Variants in GDAP1 observed in about 807,000 individuals in gnomAD.
The protein encoded by GDAP1 is ganglioside induced differentiation associated protein 1, also known as ganglioside-induced differentiation-associated protein 1.
Under a neutral mutation model 40.1 loss-of-function variants are expected in GDAP1, and 34 were observed. The ratio of observed to expected loss-of-function variants is 0.85; its 90% CI spans 0.64 to 1.13. The LOEUF (loss-of-function observed/expected upper bound fraction) is 1.13, where lower values mean the gene tolerates loss of function less well. GDAP1 is among the 50% of genes most tolerant of loss of function. The pLI is 0.00. For synonymous variants in GDAP1, 170 were observed against 157.4 expected (o/e 1.08, Z -0.60); for missense variants, 374 against 433.7 (o/e 0.86, Z 1.22).
chr8:74,362,546 G>T (rs907230635), intron 4 of GDAP1, among the ~76,000 whole-genome samples: 13 of 152,202 alleles, frequency 8.5e-5, no homozygotes, highest in African/African-American at 3.1e-4. Flanking sequence ...CTCTCCACTC[G>T]CCGTTTAACT....
intron 2 of GDAP1, among the ~76,000 whole-genome samples, chr8:74,487,326 A>T (rs1226142718): frequency 6.6e-6 from 1 of 152,140 alleles, no homozygotes; most frequent in Non-Finnish European, 1.5e-5. Context: ...AAACTAAGAT[A>T]TATTATTATT....
At chr8:74,382,654 A>G (rs575933774) in intron 2 of GDAP1, among the ~76,000 whole-genome samples, 2 of 152,202 alleles carry the variant, frequency 1.3e-5, no homozygotes, top group African/African-American at 2.4e-5. Context: ...TGAATACATG[A>G]CTTAGATCTT....
rs1806304783 is a variant in GDAP1, at chr8:74,453,053, TATGCATA to T, written c.166-35623_166-35617del. Among the ~76,000 whole-genome samples the T allele has an allele frequency of 4.8e-5, 4 of 83,176 alleles. 1 individual carries two copies. In the Admixed American group the frequency reaches 4.9e-4, roughly 10 times the overall value. 54.6% of individuals were successfully genotyped at this position (83,176 alleles called of 152,430 possible). A position where few individuals can be genotyped will look rare whatever the true frequency, so the allele number is the denominator to read the frequency against. On this transcript the variant is annotated intron_variant, in intron 2 of 2. Transcript: ENST00000523640. ...TAAATCACTTAGTCCTGGAACAGAC[TATGCATA>T]AACAGTGGGTTCTGGAGTTCTGGAG...
At chr8:74,369,325 G>A (rs1249822672), downstream of GDAP1, among the ~76,000 whole-genome samples, 3 of 152,146 alleles carry the variant, frequency 2.0e-5, no homozygotes, top group Non-Finnish European at 4.4e-5. Flanking sequence ...GTTGGATTTA[G>A]CAAATACTTT....
chr8:74,445,883 A>C (rs775761601), intron 2 of GDAP1, among the ~76,000 whole-genome samples: 1 of 152,214 alleles, frequency 6.6e-6, no homozygotes, highest in Non-Finnish European at 1.5e-5. Context: ...GTATTGAGCT[A>C]TCAGGTTATT....
chr8:74,472,775 G>A (rs899249491), intron 2 of GDAP1, among the ~76,000 whole-genome samples: 1 of 142,184 alleles, frequency 7.0e-6, no homozygotes, highest in African/African-American at 2.7e-5. Context: ...TGAGAGACAT[G>A]GTGTCGCTCT....
At chr8:74,398,247 G>T (rs1192619869) in intron 2 of GDAP1, among the ~76,000 whole-genome samples, 2 of 152,064 alleles carry the variant, frequency 1.3e-5, no homozygotes. Flanking sequence ...TTTGATCTTT[G>T]TTGGTTTAAA....
chr8:74,448,880 T>A (rs374000409), intron 2 of GDAP1, among the ~76,000 whole-genome samples: 1 of 152,082 alleles, frequency 6.6e-6, no homozygotes, highest in Admixed American at 6.6e-5. Context: ...GGCTTTTGAT[T>A]ATTAGACATT....
intron 2 of GDAP1, among the ~76,000 whole-genome samples, chr8:74,472,972 A>G (rs1347928511): frequency 4.0e-5 from 6 of 151,706 alleles, no homozygotes; most frequent in Non-Finnish European, 5.9e-5. Flanking sequence ...CTGACACTGA[A>G]CTCATGGACT....
intron 2 of GDAP1, among the ~76,000 whole-genome samples, chr8:74,474,773 G>T (rs553574615): frequency 6.6e-6 from 1 of 152,044 alleles, no homozygotes; most frequent in Non-Finnish European, 1.5e-5. Flanking sequence ...TTGTGTTTCC[G>T]CCAGGCTTTT....
At chr8:74,475,870 T>G (rs1050275921) in intron 2 of GDAP1, among the ~76,000 whole-genome samples, 1 of 152,256 alleles carries the variant, frequency 6.6e-6, no homozygotes, top group Non-Finnish European at 1.5e-5. Flanking sequence ...TGTCTAATAC[T>G]GTCAATGGGG....
rs770658701 is a variant in GDAP1, at chr8:74,361,955, AT to A, written c.558del (p.Ile186MetfsTer20). On this transcript the variant is annotated frameshift_variant, in exon 4 of 6. Transcript: ENST00000220822. LOFTEE classifies it high-confidence loss of function. ...EENPDLQEAYIAKQKRLKSKL... is the reference protein window; with the variant it reads ...EENPDLQEAYXAKQKRLKSKL... The stretch of plus-strand genomic sequence containing the variant: ...AAACCCAGATTTACAAGAAGCATAC[AT>A]TGCAAAACAGAAACGACTTAAAGTA... 2 of 1,598,188 alleles carry A rather than the reference AT, an allele frequency of 1.3e-6. No individual in the cohort carries two copies. The highest frequency in any genetic ancestry group is 1.7e-6 in the Non-Finnish European group (2 of 1,166,342).
At position 74,414,325 on chromosome 8, in the gene GDAP1, T is replaced by C. The variant is rs144910013; in HGVS notation, c.165+63004T>C. Among the ~76,000 whole-genome samples the C allele has an allele frequency of 3.9e-4, 59 of 150,176 alleles. 6 individuals are homozygous for C. Among genetic ancestry groups the C allele is most frequent in the African/African-American group, 1.4e-3 (54 of 39,534 alleles). On this transcript the variant is annotated intron_variant, in intron 2 of 2. Coordinates refer to the GDAP1 transcript ENST00000523640. ...CAATCGACAGATGCCTATGTTGGGA[T>C]AATAAAGATGTTGGAGTTATGTGAC...
At chr8:74,384,350 T>C (rs983633027) in intron 2 of GDAP1, among the ~76,000 whole-genome samples, 2 of 152,170 alleles carry the variant, frequency 1.3e-5, no homozygotes, top group Non-Finnish European at 2.9e-5. Flanking sequence ...CCAGAGCCCA[T>C]GCATGAACAA....
rs1209791117 is a variant in GDAP1 at position 74,365,747 on chromosome 8, G to C, written c.*1380G>C. On this transcript the variant is annotated 3_prime_UTR_variant, in exon 6 of 6. Transcript: ENST00000220822. ...TGCTGTAATTCCATTTCATGACCTA[G>C]TTGTATTAGAAAACCTTGATGAACT... The C allele has an allele frequency of 2.2e-6, 1 of 454,390 alleles. No homozygotes were observed. Among genetic ancestry groups the C allele is most frequent in the East Asian group, 6.9e-5 (1 of 14,410 alleles). 28.1% of individuals were successfully genotyped at this position (454,390 alleles called of 1,614,324 possible).
At chr8:74,413,156 T>A (rs1805736766) in intron 2 of GDAP1, among the ~76,000 whole-genome samples, 1 of 144,636 alleles carries the variant, frequency 6.9e-6, no homozygotes, top group Non-Finnish European at 1.5e-5. Context: ...CTAAAAGTAA[T>A]GGAGAGGGGT....
intron 2 of GDAP1, among the ~76,000 whole-genome samples, chr8:74,418,713 C>A (rs1358690800): frequency 6.6e-6 from 1 of 152,106 alleles, no homozygotes; most frequent in Admixed American, 6.5e-5. Context: ...CTGTTAAGAG[C>A]TCTGCATTAA....
chr8:74,401,134 A>G (rs1227478991), intron 2 of GDAP1, among the ~76,000 whole-genome samples: 2 of 149,068 alleles, frequency 1.3e-5, no homozygotes. Context: ...CCTGGATAAT[A>G]TCCTGCAGAG....
At chr8:74,414,652 AG>A (rs1215040048) in intron 2 of GDAP1, among the ~76,000 whole-genome samples, 1 of 149,302 alleles carries the variant, frequency 6.7e-6, no homozygotes, top group Non-Finnish European at 1.5e-5. Flanking sequence ...AAAATTAAAA[AG>A]AAAAAAAAAA....
Sources: allele counts gnomAD v4.1 joint callset (sites outside exome capture counted in the v4.1 genomes callset), GRCh38; gene constraint gnomAD v4.1.1; transcripts MANE v1.5; gene names NCBI Gene and HGNC (gene_info 2026-07-23, HGNC 2026-07-21).